The following GRIK3 variants were observed in gnomAD, a reference collection of about 807,000 sequenced individuals.
The protein encoded by GRIK3 is glutamate receptor ionotropic, kainate 3.
A neutral mutation model predicts 102.5 loss-of-function variants in GRIK3; 29 were observed. That is an observed-to-expected ratio of 0.28 (90% CI 0.21 to 0.39). The LOEUF (loss-of-function observed/expected upper bound fraction) is 0.39. Ranked by LOEUF, GRIK3 falls within the 10% of genes least tolerant of loss-of-function variation. The pLI is 1.00. For synonymous variants in GRIK3, 511 were observed against 504.9 expected (o/e 1.01, Z -0.16); for missense variants, 908 against 1,252.4 (o/e 0.73, Z 4.15).
At chr1:36,853,534 G>A (rs1365705090) in intron 8 of GRIK3, 81 bp downstream of exon 8, 19 of 895,584 alleles carry the variant, frequency 2.1e-5, no homozygotes, top group Non-Finnish European at 3.5e-5. Context: ...CTTGCCTCTG[G>A]GCCTCTGACT....
chr1:36,909,776 G>C (rs1570793420), intron 1 of GRIK3, among the ~76,000 whole-genome samples: 2 of 152,152 alleles, frequency 1.3e-5, no homozygotes, highest in East Asian at 3.9e-4. Context: ...GGGAGGAGGG[G>C]TAGAACTGGC....
intron 1 of GRIK3, among the ~76,000 whole-genome samples, chr1:36,932,821 A>G (rs979601716): frequency 3.9e-5 from 6 of 152,108 alleles, no homozygotes; most frequent in African/African-American, 1.4e-4. Context: ...AAACACCCTG[A>G]GGCTAGGTAC....
intron 1 of GRIK3, among the ~76,000 whole-genome samples, chr1:37,000,861 C>T (rs1642469277): frequency 6.6e-6 from 1 of 152,190 alleles, no homozygotes; most frequent in South Asian, 2.1e-4. Context: ...ATTCCTTTCT[C>T]AGGTCAGAAA....
intron 10 of GRIK3, among the ~76,000 whole-genome samples, chr1:36,839,284 C>T (rs889559615): frequency 6.6e-6 from 1 of 152,154 alleles, no homozygotes; most frequent in Non-Finnish European, 1.5e-5. Context: ...ATGGAGATGC[C>T]TCTGGGGCCT....
intron 10 of GRIK3, 103 bp downstream of exon 10, chr1:36,841,633 C>G: frequency 1.0e-6 from 1 of 977,502 alleles, no homozygotes; most frequent in Admixed American, 1.8e-5. Flanking sequence ...ACTCCTGTCC[C>G]CAGGGCCTTT....
chr1:36,980,405 C>T (rs1012135817), intron 1 of GRIK3, among the ~76,000 whole-genome samples: 1 of 151,724 alleles, frequency 6.6e-6, no homozygotes, highest in Admixed American at 6.6e-5. Flanking sequence ...GCTTCTCACA[C>T]AGATCTTCTC....
chr1:36,864,915 C>T (rs765934629), intron 5 of GRIK3, among the ~76,000 whole-genome samples: 20 of 152,078 alleles, frequency 1.3e-4, no homozygotes, highest in South Asian at 4.2e-4. Flanking sequence ...CTGTGTGCAA[C>T]CTTGCTGCTT....
chr1:36,810,570 T>C (rs1039458234), intron 13 of GRIK3, among the ~76,000 whole-genome samples: 48 of 152,368 alleles, frequency 3.2e-4, no homozygotes, highest in African/African-American at 1.2e-3. Context: ...AGAGAATGTA[T>C]GTAAGTCTAT....
intron 1 of GRIK3, among the ~76,000 whole-genome samples, chr1:36,989,035 C>T (rs1414323706): frequency 1.3e-5 from 2 of 152,126 alleles, no homozygotes; most frequent in Non-Finnish European, 2.9e-5. Flanking sequence ...CCCACCACCT[C>T]CCCAGCCTCA....
Position 36,801,928 on chromosome 1 carries a change from G to A in GRIK3, c.2683C>T (p.His895Tyr), listed in dbSNP as rs781122725. 1.2e-6 allele frequency: 2 copies of A among 1,613,986 alleles called. No individual in the cohort carries two copies. The highest frequency in any genetic ancestry group is 8.5e-7 in the Non-Finnish European group (1 of 1,179,998). ...GGAAGCCGGCGGTCATTGAATGTGTGCATGTTGATGACGGCGTCAGTCTTG... is the reference window on the plus strand; with the variant it reads ...GGAAGCCGGCGGTCATTGAATGTGTACATGTTGATGACGGCGTCAGTCTTG... ...MVKTDAVINM[H>Y]TFNDRRLPGK... is the part of the protein sequence containing the mutation. The change falls in exon 16 of 16, where the codon CAC becomes TAC. Residue 895 changes from histidine to tyrosine, a missense_variant. By Grantham distance (83) the His-to-Tyr change is moderately conservative. This residue lies in a region of GRIK3 where 297 missense variants were observed against 362.7 expected (regional missense o/e 0.82). Transcript: ENST00000373091.
At chr1:36,813,824 C>G (rs548314085) in intron 13 of GRIK3, among the ~76,000 whole-genome samples, 1 of 152,250 alleles carries the variant, frequency 6.6e-6, no homozygotes, top group East Asian at 1.9e-4. Context: ...CATTCAGGCT[C>G]TTCTCCAATA....
rs962423314 is a variant in GRIK3 at position 36,798,606 on chromosome 1, A to T, written c.*3245T>A. 1.3e-5 allele frequency: 2 copies of T among 152,382 alleles called. No individual in the cohort carries two copies. Among genetic ancestry groups the T allele is most frequent in the African/African-American group, 2.4e-5 (1 of 41,586 alleles). 9.4% of individuals were successfully genotyped at this position (152,382 alleles called of 1,614,324 possible). ...CTCCCCACTCCGTCCCACCTCACAGATGTAGCATCATTTTCAGTGCCCCGG... is the reference window on the plus strand; with the variant it reads ...CTCCCCACTCCGTCCCACCTCACAGTTGTAGCATCATTTTCAGTGCCCCGG... On this transcript the variant is annotated 3_prime_UTR_variant, in exon 16 of 16. Coordinates refer to ENST00000373091, the MANE Select transcript of GRIK3 (RefSeq NM_000831.4).
At chr1:36,952,668 C>T (rs1419247489) in intron 1 of GRIK3, among the ~76,000 whole-genome samples, 3 of 152,100 alleles carry the variant, frequency 2.0e-5, no homozygotes, top group African/African-American at 7.2e-5. Context: ...CTCCAGGGAG[C>T]TTAGAGTTTG....
intron 1 of GRIK3, among the ~76,000 whole-genome samples, chr1:36,982,303 G>A (rs1366682522): frequency 2.0e-5 from 3 of 152,166 alleles, no homozygotes; most frequent in African/African-American, 2.4e-5. Flanking sequence ...TGGTCCTCAG[G>A]GGCAGGGTCT....
chr1:36,891,842 G>A (rs1466372857), intron 1 of GRIK3, among the ~76,000 whole-genome samples: 1 of 152,142 alleles, frequency 6.6e-6, no homozygotes, highest in Non-Finnish European at 1.5e-5. Context: ...AAACAAGTAG[G>A]AGCTAGTAGA....
intron 1 of GRIK3, among the ~76,000 whole-genome samples, chr1:36,980,365 C>T (rs1642236870): frequency 6.6e-6 from 1 of 151,884 alleles, no homozygotes; most frequent in African/African-American, 2.4e-5. Flanking sequence ...CGTGGGCACC[C>T]AGCCCCCTGC....
chr1:36,934,690 C>T (rs941621026), intron 1 of GRIK3, among the ~76,000 whole-genome samples: 1 of 152,184 alleles, frequency 6.6e-6, no homozygotes, highest in African/African-American at 2.4e-5. Context: ...CCTCGCTTAT[C>T]CCTGTACTAA....
chr1:37,034,493 G>A lies in GRIK3; in HGVS notation c.-385C>T, dbSNP rs1331348863. Reference sequence around the variant, plus strand: ...GGCCGCTCCTCCTCCAGCCGCCGCCGATGCTATCGCCCGGGCTCGCACAAA... The same window carrying A: ...GGCCGCTCCTCCTCCAGCCGCCGCCAATGCTATCGCCCGGGCTCGCACAAA... On this transcript the variant is annotated 5_prime_UTR_variant, in exon 1 of 16. Coordinates refer to ENST00000373091, the MANE Select transcript of GRIK3 (RefSeq NM_000831.4). Among the ~76,000 whole-genome samples the A allele has an allele frequency of 2.0e-5, 3 of 151,718 alleles. No individual in the cohort carries two copies. Among genetic ancestry groups the A allele is most frequent in the Admixed American group, 1.3e-4 (2 of 15,252 alleles).
At chr1:37,015,134 T>C (rs1342905071) in intron 1 of GRIK3, among the ~76,000 whole-genome samples, 3 of 152,112 alleles carry the variant, frequency 2.0e-5, no homozygotes, top group Non-Finnish European at 4.4e-5. Context: ...AGATTCTATC[T>C]GGTTGGTGCA....
Sources: allele counts gnomAD v4.1 joint callset (sites outside exome capture counted in the v4.1 genomes callset), GRCh38; gene constraint gnomAD v4.1.1; regional missense constraint gnomAD v4.1.1; transcripts MANE v1.5; gene names NCBI Gene and HGNC (gene_info 2026-07-23, HGNC 2026-07-21).